Variants in NKAIN3 observed in about 807,000 individuals in gnomAD.
NKAIN3 encodes sodium/potassium-transporting ATPase subunit beta-1-interacting protein 3.
A neutral mutation model predicts 30.2 loss-of-function variants in NKAIN3; 25 were observed. That is an observed-to-expected ratio of 0.83 (90% CI 0.60 to 1.16). NKAIN3 has a LOEUF of 1.16. Ranked by LOEUF, NKAIN3 falls within the 50% of genes most tolerant of loss-of-function variation. The pLI is 0.00. For synonymous variants in NKAIN3, 91 were observed against 89.6 expected, an observed-to-expected ratio of 1.02 and a Z score of -0.09; for missense variants, 225 against 254.1, an observed-to-expected ratio of 0.89 and a Z score of 0.78.
chr8:62,287,587 A>T (rs1813421046), intron 1 of NKAIN3, among the ~76,000 whole-genome samples: 1 of 152,132 alleles, frequency 6.6e-6, no homozygotes, highest in South Asian at 2.1e-4. Flanking sequence ...TTATTTAACA[A>T]CAGAAAATCC....
chr8:62,417,594 A>G (rs777221246), intron 1 of NKAIN3, among the ~76,000 whole-genome samples: 22 of 152,158 alleles, frequency 1.4e-4, no homozygotes, highest in South Asian at 2.1e-4. Context: ...TACCAACAGT[A>G]TACAAGAGTT....
At chr8:62,955,871 C>A (rs1823405651) in intron 6 of NKAIN3, among the ~76,000 whole-genome samples, 1 of 152,232 alleles carries the variant, frequency 6.6e-6, no homozygotes, top group South Asian at 2.1e-4. Context: ...CACCCCTGTT[C>A]ACTGCTGACC....
intron 3 of NKAIN3, among the ~76,000 whole-genome samples, chr8:62,655,584 G>A (rs1812740640): frequency 1.3e-5 from 2 of 152,110 alleles, no homozygotes; most frequent in South Asian, 4.1e-4. Flanking sequence ...GGCAAAGTGA[G>A]AAAGAATGCA....
chr8:62,762,321 AAAAAAAAC>A (rs915860165), intron 4 of NKAIN3, among the ~76,000 whole-genome samples: 15 of 151,914 alleles, frequency 9.9e-5, no homozygotes, highest in African/African-American at 3.4e-4. Context: ...TGTCTCAAAA[AAAAAAAAC>A]AAAAAACAAA....
At chr8:62,880,648 A>C (rs1339029702) in intron 4 of NKAIN3, among the ~76,000 whole-genome samples, 4 of 152,246 alleles carry the variant, frequency 2.6e-5, no homozygotes, top group African/African-American at 2.4e-5. Flanking sequence ...GTGCACACTT[A>C]CATCCTCCTC....
intron 2 of NKAIN3, among the ~76,000 whole-genome samples, chr8:62,582,217 C>T (rs1340195051): frequency 2.0e-5 from 3 of 151,558 alleles, no homozygotes; most frequent in African/African-American, 4.9e-5. Flanking sequence ...TTTCCTTCTC[C>T]CTTTTTTCTT....
At chr8:62,337,319 G>A (rs1332271203) in intron 1 of NKAIN3, among the ~76,000 whole-genome samples, 3 of 151,928 alleles carry the variant, frequency 2.0e-5, no homozygotes, top group Non-Finnish European at 4.4e-5. Context: ...GATAACTTGT[G>A]GCCATTCAAC....
chr8:62,256,555 G>A (rs899423038), intron 1 of NKAIN3, among the ~76,000 whole-genome samples: 4 of 152,220 alleles, frequency 2.6e-5, no homozygotes, highest in Non-Finnish European at 5.9e-5. Flanking sequence ...ATCAGAGGGA[G>A]TGTCGTGTTT....
intron 3 of NKAIN3, among the ~76,000 whole-genome samples, chr8:62,622,227 T>C (rs574583104): frequency 5.9e-5 from 9 of 152,166 alleles, no homozygotes; most frequent in African/African-American, 2.2e-4. Context: ...TTGGCCATTG[T>C]GAATGAAACT....
chr8:62,886,571 C>A (rs1217123003), intron 4 of NKAIN3, among the ~76,000 whole-genome samples: 4 of 152,094 alleles, frequency 2.6e-5, no homozygotes, highest in Middle Eastern at 3.4e-3. Context: ...ATAATAAAAT[C>A]TTTATTTCTT....
chr8:62,846,127 A>G (rs896745802), intron 4 of NKAIN3, among the ~76,000 whole-genome samples: 1 of 152,156 alleles, frequency 6.6e-6, no homozygotes, highest in African/African-American at 2.4e-5. Flanking sequence ...TAAAGATAAA[A>G]AAAACACTAA....
chr8:62,620,364 C>T (rs2130226798), intron 3 of NKAIN3, among the ~76,000 whole-genome samples: 1 of 152,110 alleles, frequency 6.6e-6, no homozygotes, highest in East Asian at 1.9e-4. Context: ...AGAAAGTTCT[C>T]CATGCACATT....
chr8:62,528,350 T>TATAATATATA (rs1563441580), intron 1 of NKAIN3, among the ~76,000 whole-genome samples: 1 of 137,394 alleles, frequency 7.3e-6, no homozygotes, highest in Non-Finnish European at 1.5e-5. Context: ...AATATATATA[T>TATAATATATA]ATATGACTTT....
intron 1 of NKAIN3, among the ~76,000 whole-genome samples, chr8:62,544,050 G>A (rs1030659495): frequency 3.3e-5 from 5 of 152,098 alleles, no homozygotes; most frequent in Non-Finnish European, 7.4e-5. Flanking sequence ...TACCCAGGCT[G>A]GAGTACAGTG....
At chr8:62,636,317 A>G (rs115614215) in intron 3 of NKAIN3, among the ~76,000 whole-genome samples, 3,078 of 152,278 alleles carry the variant, frequency 0.02, 88 homozygotes, top group African/African-American at 0.069. Flanking sequence ...TGAGTTTCCA[A>G]AAATTATAGA....
intron 1 of NKAIN3, among the ~76,000 whole-genome samples, chr8:62,299,438 C>T (rs1199045188): frequency 6.6e-6 from 1 of 152,002 alleles, no homozygotes; most frequent in East Asian, 1.9e-4. Flanking sequence ...AATGCTTATT[C>T]CCTGTTCACA....
intron 1 of NKAIN3, among the ~76,000 whole-genome samples, chr8:62,484,162 G>A (rs1461208058): frequency 6.6e-6 from 1 of 152,134 alleles, no homozygotes; most frequent in Admixed American, 6.5e-5. Flanking sequence ...CTCTCTGATG[G>A]GTTCCTCCTG....
chr8:62,633,194 C>T (rs542646512), intron 3 of NKAIN3, among the ~76,000 whole-genome samples: 18 of 152,214 alleles, frequency 1.2e-4, no homozygotes, highest in South Asian at 6.2e-4. Flanking sequence ...AAAATTAATT[C>T]GCACCTCGCA....
intron 5 of NKAIN3, among the ~76,000 whole-genome samples, chr8:62,920,800 C>T (rs968698543): frequency 1.1e-4 from 16 of 152,118 alleles, no homozygotes; most frequent in African/African-American, 2.9e-4. Context: ...AGAGTCAAAA[C>T]GAAACTTGGG....
Sources: allele counts gnomAD v4.1 joint callset (sites outside exome capture counted in the v4.1 genomes callset), GRCh38; gene constraint gnomAD v4.1.1; transcripts MANE v1.5; gene names NCBI Gene and HGNC (gene_info 2026-07-23, HGNC 2026-07-21).